ANKFN1: variants seen among roughly 807,000 people sequenced by gnomAD.
The protein encoded by ANKFN1 is ankyrin repeat and fibronectin type-III domain-containing protein 1.
ANKFN1 carries 74 observed loss-of-function variants against 108.7 expected under a neutral mutation model. The ratio of observed to expected loss-of-function variants is 0.68; its 90% CI spans 0.56 to 0.83. The LOEUF (loss-of-function observed/expected upper bound fraction) is 0.83. Ranked by LOEUF, ANKFN1 falls within the 40% of genes least tolerant of loss-of-function variation. The probability of loss-of-function intolerance (pLI) is 0.00; values close to 1 mark genes in which losing one functional copy is unlikely to be tolerated. For synonymous variants in ANKFN1, 547 were observed against 516.2 expected, an observed-to-expected ratio of 1.06 and a Z score of -0.81; for missense variants, 1,505 against 1,382.3, an observed-to-expected ratio of 1.09 and a Z score of -1.41.
chr17:56,320,444 A>G (rs963966765), intron 3 of ANKFN1, among the ~76,000 whole-genome samples: 4 of 152,184 alleles, frequency 2.6e-5, no homozygotes, highest in African/African-American at 4.8e-5. Flanking sequence ...TATGGGGCCG[A>G]GCAGATAAAG....
chr17:56,471,589 C>T (rs2050318073), intron 15 of ANKFN1: 2 of 152,222 alleles, frequency 1.3e-5, no homozygotes, highest in Non-Finnish European at 2.9e-5. Context: ...ACTTGTTCAC[C>T]AATGTTCATA....
chr17:56,151,479 A>AG (rs1908602338), upstream of ANKFN1, among the ~76,000 whole-genome samples: 1 of 152,216 alleles, frequency 6.6e-6, no homozygotes, highest in South Asian at 2.1e-4. Flanking sequence ...TAAAATAAGC[A>AG]GCATGGTAGA....
intron 11 of ANKFN1, among the ~76,000 whole-genome samples, chr17:56,453,518 T>C (rs2049568306): frequency 6.6e-6 from 1 of 152,102 alleles, no homozygotes; most frequent in South Asian, 2.1e-4. Context: ...ATTCATGGAG[T>C]CCTCTGTCCT....
intron 4 of ANKFN1, among the ~76,000 whole-genome samples, chr17:56,094,626 C>T (rs1423579583): frequency 4.0e-5 from 6 of 148,632 alleles, no homozygotes; most frequent in Admixed American, 1.3e-4. Context: ...GCCTCAGCCT[C>T]CCGTGTAGCT....
At chr17:56,336,664 A>C (rs2045819242) in intron 4 of ANKFN1, among the ~76,000 whole-genome samples, 1 of 152,144 alleles carries the variant, frequency 6.6e-6, no homozygotes, top group African/African-American at 2.4e-5. Flanking sequence ...CTTTTCAAAA[A>C]ACCAGTTCCT....
At chr17:56,328,020 A>T (rs906406201) in intron 4 of ANKFN1, among the ~76,000 whole-genome samples, 1 of 152,154 alleles carries the variant, frequency 6.6e-6, no homozygotes, top group African/African-American at 2.4e-5. Flanking sequence ...AGAAGAGGAG[A>T]ATGGAGCTGA....
At chr17:56,223,646 GA>G (rs1916047164) in intron 2 of ANKFN1, among the ~76,000 whole-genome samples, 1 of 152,164 alleles carries the variant, frequency 6.6e-6, no homozygotes, top group Non-Finnish European at 1.5e-5. Flanking sequence ...TAGAAGTCAT[GA>G]AAAACAATCT....
At chr17:56,398,302 T>C (rs2047647354) in intron 8 of ANKFN1, among the ~76,000 whole-genome samples, 1 of 152,142 alleles carries the variant, frequency 6.6e-6, no homozygotes, top group South Asian at 2.1e-4. Flanking sequence ...GAAGTGCCTG[T>C]GAACATGGAT....
chr17:56,179,059 A>T (rs1037512308), intron 1 of ANKFN1, among the ~76,000 whole-genome samples: 1 of 152,188 alleles, frequency 6.6e-6, no homozygotes, highest in Admixed American at 6.5e-5. Flanking sequence ...TTTCTTGTGT[A>T]TTAATGTAGC....
rs3052391 is a variant in ANKFN1, at chr17:56,503,486, C to CATATATATATATATAT, written c.2644+4416_2644+4431dup. 1.3e-3 allele frequency among the ~76,000 whole-genome samples: 108 copies of CATATATATATATATAT among 81,512 alleles called. 1 individual carries two copies. The highest frequency in any genetic ancestry group is 2.7e-3 in the African/African-American group (38 of 13,864). The allele number at this position is 81,512 out of a possible 152,430, so 53.5% of individuals were successfully genotyped here. On this transcript the variant is annotated intron_variant, in intron 20 of 20. Coordinates refer to ENST00000682825, the MANE Select transcript of ANKFN1 (RefSeq NM_001370326.1). Reference sequence around the variant, plus strand: ...AATAAATTCACTGAAGCACAAATTTCATATATATATATATATATATATATA... The same window carrying CATATATATATATATAT: ...AATAAATTCACTGAAGCACAAATTTCATATATATATATATATATATATATATATATATATATATATA...
intron 4 of ANKFN1, among the ~76,000 whole-genome samples, chr17:56,047,679 C>A (rs1192224883): frequency 1.3e-5 from 2 of 152,180 alleles, no homozygotes; most frequent in Non-Finnish European, 2.9e-5. Flanking sequence ...TCCCTGCCCC[C>A]ACCATGACAC....
At chr17:56,439,408 C>A (rs2049029785) in intron 8 of ANKFN1, among the ~76,000 whole-genome samples, 1 of 151,796 alleles carries the variant, frequency 6.6e-6, no homozygotes, top group Non-Finnish European at 1.5e-5. Context: ...ATACTTTTTA[C>A]TGATGATGCA....
At chr17:56,228,706 T>G (rs1916477180) in intron 3 of ANKFN1, among the ~76,000 whole-genome samples, 1 of 152,090 alleles carries the variant, frequency 6.6e-6, no homozygotes, top group South Asian at 2.1e-4. Flanking sequence ...TTAGCTTTAG[T>G]ATAAAGACCC....
chr17:56,144,768 G>A (rs886337392), intron 4 of ANKFN1, among the ~76,000 whole-genome samples: 2 of 152,160 alleles, frequency 1.3e-5, no homozygotes, highest in Non-Finnish European at 2.9e-5. Flanking sequence ...AATTGCAGAT[G>A]GACAGCCGAG....
At chr17:56,250,461 T>C (rs762255742) in intron 3 of ANKFN1, among the ~76,000 whole-genome samples, 7 of 152,244 alleles carry the variant, frequency 4.6e-5, no homozygotes, top group Admixed American at 2.6e-4. Context: ...GACATGTTCC[T>C]ATCCAAAAAT....
chr17:56,199,109 C>T (rs146348279), intron 1 of ANKFN1, among the ~76,000 whole-genome samples: 1 of 151,808 alleles, frequency 6.6e-6, no homozygotes, highest in Admixed American at 6.6e-5. Flanking sequence ...TGGCATGGCC[C>T]CCATCTTTTC....
intron 4 of ANKFN1, among the ~76,000 whole-genome samples, chr17:56,328,914 A>G (rs960341125): frequency 6.6e-6 from 1 of 151,922 alleles, no homozygotes; most frequent in East Asian, 1.9e-4. Flanking sequence ...TATTTCCTTC[A>G]TCTTTTGAAT....
intron 8 of ANKFN1, among the ~76,000 whole-genome samples, chr17:56,407,024 A>AG (rs995252048): frequency 1.4e-5 from 2 of 139,550 alleles, no homozygotes; most frequent in Non-Finnish European, 3.3e-5. Context: ...ATAAATAGGG[A>AG]GGGGAAAAAG....
At chr17:56,142,309 T>C (rs1244871420) in intron 4 of ANKFN1, among the ~76,000 whole-genome samples, 2 of 152,178 alleles carry the variant, frequency 1.3e-5, no homozygotes, top group Non-Finnish European at 2.9e-5. Context: ...GATAATTTTG[T>C]CAACTGGGTG....
Sources: gnomAD v4.1 joint callset for allele counts (sites outside exome capture counted in the v4.1 genomes callset) on GRCh38, gnomAD v4.1.1 for gene constraint, MANE v1.5 for transcripts, NCBI Gene and HGNC (gene_info 2026-07-23, HGNC 2026-07-21) for gene names.